Variants in RGS6 observed in about 807,000 individuals in gnomAD.
RGS6 encodes regulator of G-protein signaling 6.
RGS6 carries 30 observed loss-of-function variants against 78.5 expected under a neutral mutation model. The ratio of observed to expected loss-of-function variants is 0.38; its 90% CI spans 0.29 to 0.52. RGS6 has a LOEUF of 0.52. Ranked by LOEUF, RGS6 falls within the 20% of genes least tolerant of loss-of-function variation. The probability of loss-of-function intolerance (pLI) is 0.85; values close to 1 mark genes in which losing one functional copy is unlikely to be tolerated. For synonymous variants in RGS6, 206 were observed against 206.0 expected (o/e 1.00, Z 0.00); for missense variants, 495 against 609.7 (o/e 0.81, Z 1.98).
intron 2 of RGS6, among the ~76,000 whole-genome samples, chr14:72,237,818 C>G (rs2051534711): frequency 6.6e-6 from 1 of 152,162 alleles, no homozygotes; most frequent in African/African-American, 2.4e-5. Flanking sequence ...TGGTCAACGG[C>G]AGCATCCAGG....
intron 2 of RGS6, among the ~76,000 whole-genome samples, chr14:72,127,385 A>C (rs930660791): frequency 1.3e-5 from 2 of 152,210 alleles, no homozygotes; most frequent in African/African-American, 2.4e-5. Flanking sequence ...TATGAGATTT[A>C]TATTGCCTAA....
chr14:72,295,709 T>C (rs1234632845), intron 2 of RGS6, among the ~76,000 whole-genome samples: 1 of 152,224 alleles, frequency 6.6e-6, no homozygotes, highest in African/African-American at 2.4e-5. Flanking sequence ...TAATATAATA[T>C]TAATATTTGA....
At chr14:71,939,964 A>G (rs1226185404) in intron 1 of RGS6, among the ~76,000 whole-genome samples, 1 of 152,166 alleles carries the variant, frequency 6.6e-6, no homozygotes, top group Non-Finnish European at 1.5e-5. Context: ...TAGTCAGCCA[A>G]TGTGGGGGTT....
chr14:72,569,975 T>G (rs370566347), downstream of RGS6, among the ~76,000 whole-genome samples: 17 of 152,266 alleles, frequency 1.1e-4, 1 homozygote, highest in East Asian at 2.1e-3. Context: ...ACCCTCAAAA[T>G]CTGTGAGCCC....
rs201667079 is a variant in RGS6 at position 72,518,546 on chromosome 14, A to G, written c.1278+9A>G. 56 of 1,613,466 alleles carry G rather than the reference A, an allele frequency of 3.5e-5. No individual in the cohort carries two copies. The East Asian group carries it at 6.5e-4, about 19-fold the overall frequency. Reference sequence around the variant, plus strand: ...CATTTGAAGACGCCCAGGTTTGCTTATCTACTCAAGTGGTTGTCATAAGGT... The same window carrying G: ...CATTTGAAGACGCCCAGGTTTGCTTGTCTACTCAAGTGGTTGTCATAAGGT... On this transcript the variant is annotated intron_variant, in intron 15 of 17. Transcript: ENST00000553525.
At chr14:72,477,522 C>T (rs1031141703) in intron 11 of RGS6, among the ~76,000 whole-genome samples, 3 of 151,520 alleles carry the variant, frequency 2.0e-5, no homozygotes, top group Admixed American at 6.6e-5. Context: ...GCTCGGGGCT[C>T]GGTGGCCCAC....
intron 2 of RGS6, among the ~76,000 whole-genome samples, chr14:72,250,016 C>T (rs975300487): frequency 6.9e-6 from 1 of 144,530 alleles, no homozygotes; most frequent in Non-Finnish European, 1.5e-5. Context: ...CGCATATTCT[C>T]ACTCATAGGT....
At chr14:72,281,738 G>A (rs1041610355) in intron 2 of RGS6, among the ~76,000 whole-genome samples, 2 of 152,152 alleles carry the variant, frequency 1.3e-5, no homozygotes, top group South Asian at 2.1e-4. Flanking sequence ...AAGGCCCTAA[G>A]GCAAGAATGA....
intron 15 of RGS6, among the ~76,000 whole-genome samples, chr14:72,529,171 C>T (rs2097152496): frequency 1.3e-5 from 2 of 152,180 alleles, no homozygotes; most frequent in African/African-American, 2.4e-5. Context: ...AGGAAAGAGT[C>T]ACAGATCCCT....
intron 15 of RGS6, among the ~76,000 whole-genome samples, chr14:72,519,669 A>G (rs1172746859): frequency 6.6e-6 from 1 of 152,198 alleles, no homozygotes; most frequent in Non-Finnish European, 1.5e-5. Context: ...ACTCCTTCAT[A>G]TACCCCTTGC....
chr14:72,109,257 T>A (rs1490637920), intron 2 of RGS6, among the ~76,000 whole-genome samples: 1 of 152,176 alleles, frequency 6.6e-6, no homozygotes, highest in Non-Finnish European at 1.5e-5. Context: ...TATCCTTACC[T>A]ATTTGTATCT....
At chr14:72,590,235 C>T in the RGS6 span, among the ~76,000 whole-genome samples, 44 of 152,342 alleles carry the variant, frequency 2.9e-4, no homozygotes, top group Admixed American at 1.2e-3. Flanking sequence ...TTGGTAAGTT[C>T]TCATAACGTG....
At chr14:72,345,541 C>A (rs968904664) in intron 2 of RGS6, among the ~76,000 whole-genome samples, 1 of 152,188 alleles carries the variant, frequency 6.6e-6, no homozygotes, top group African/African-American at 2.4e-5. Context: ...AGAAGGGAGC[C>A]GTGATGGTTT....
At chr14:72,176,362 T>C (rs2097105147) in intron 2 of RGS6, among the ~76,000 whole-genome samples, 1 of 152,190 alleles carries the variant, frequency 6.6e-6, no homozygotes, top group Non-Finnish European at 1.5e-5. Context: ...GGAAATGGGA[T>C]TTTGCTCCTT....
At chr14:72,338,806 G>A (rs945200878) in intron 2 of RGS6, among the ~76,000 whole-genome samples, 1 of 152,202 alleles carries the variant, frequency 6.6e-6, no homozygotes, top group African/African-American at 2.4e-5. Context: ...GAAGGGAGCT[G>A]TAGAAGCTTC....
intron 2 of RGS6, among the ~76,000 whole-genome samples, chr14:72,201,980 A>G (rs2041681509): frequency 6.6e-6 from 1 of 152,178 alleles, no homozygotes. Flanking sequence ...AACATTATTC[A>G]CCACCTCTGA....
intron 3 of RGS6, among the ~76,000 whole-genome samples, chr14:72,405,127 G>C (rs918444294): frequency 1.3e-5 from 2 of 152,184 alleles, no homozygotes; most frequent in African/African-American, 2.4e-5. Context: ...GCAGCTTCTT[G>C]AGACTGGGTC....
intron 2 of RGS6, among the ~76,000 whole-genome samples, chr14:72,128,682 A>C (rs189752983): frequency 2.0e-5 from 3 of 152,320 alleles, no homozygotes; most frequent in African/African-American, 7.2e-5. Context: ...GCACAGTCAT[A>C]GTGGATGAAG....
At chr14:72,303,600 G>T (rs2066580761) in intron 2 of RGS6, among the ~76,000 whole-genome samples, 1 of 152,116 alleles carries the variant, frequency 6.6e-6, no homozygotes, top group Non-Finnish European at 1.5e-5. Flanking sequence ...GCATTTTTAA[G>T]AAATATAAAT....
Sources: allele counts gnomAD v4.1 joint callset (sites outside exome capture counted in the v4.1 genomes callset), GRCh38; gene constraint gnomAD v4.1.1; transcripts MANE v1.5; gene names NCBI Gene and HGNC (gene_info 2026-07-23, HGNC 2026-07-21).